RGPD3: variants seen among roughly 807,000 people sequenced by gnomAD.
RGPD3 encodes the protein RANBP2 like and GRIP domain containing 3.
A neutral mutation model predicts 154.5 loss-of-function variants in RGPD3; 62 were observed. The ratio of observed to expected loss-of-function variants is 0.40; its 90% CI spans 0.33 to 0.50. RGPD3 has a LOEUF of 0.50. Ranked by LOEUF, RGPD3 falls within the 20% of genes least tolerant of loss-of-function variation. RGPD3 has a pLI of 0.59. For synonymous variants in RGPD3, 308 were observed against 607.0 expected, an observed-to-expected ratio of 0.51 and a Z score of 7.24; for missense variants, 919 against 1,716.8, an observed-to-expected ratio of 0.54 and a Z score of 8.21.
chr2:106,441,893 A>AAAAG (rs1677755908), intron 7 of RGPD3, among the ~76,000 whole-genome samples: 1 of 143,852 alleles, frequency 7.0e-6, no homozygotes, highest in African/African-American at 2.6e-5. Context: ...AAAAAAAAAA[A>AAAAG]AGAGGGGCCA....
In RGPD3 at chr2:106,447,456, A is replaced by G; in HGVS notation, c.940T>C (p.Ser314Pro). The G allele has an allele frequency of 5.1e-6, 1 of 196,458 alleles. No homozygotes were observed. The highest frequency in any genetic ancestry group is 8.5e-6 in the Non-Finnish European group (1 of 117,730). 12.2% of individuals were successfully genotyped at this position (196,458 alleles called of 1,614,324 possible). A position where few individuals can be genotyped will look rare whatever the true frequency, so the allele number is the denominator to read the frequency against. Residue 314 changes from serine to proline, a missense_variant, in exon 7 of 23, where the codon TCT (serine) becomes CCT (proline). Physicochemically the swap from Ser to Pro is moderately conservative, Grantham distance 74. Transcript: ENST00000409886. The stretch of plus-strand genomic sequence containing the variant: ...AGATAGCACAATGCAGCCAGCTCAG[A>G]AAGAGCTCGCCATTGAACATTATTA... ...HGNNVQWRALSELAALCYLIA... is the reference protein window; with the variant it reads ...HGNNVQWRALPELAALCYLIA...
chr2:106,441,666 C>T (rs1182273834), intron 7 of RGPD3, among the ~76,000 whole-genome samples: 1 of 148,540 alleles, frequency 6.7e-6, no homozygotes, highest in African/African-American at 2.5e-5. Context: ...ACCAGCCTGG[C>T]CAACATGGTG....
At chr2:106,465,340 G>A (rs1428276235) in intron 1 of RGPD3, among the ~76,000 whole-genome samples, 1 of 152,100 alleles carries the variant, frequency 6.6e-6, no homozygotes, top group Non-Finnish European at 1.5e-5. Flanking sequence ...AAATCCCCAG[G>A]TTCTAATGTA....
chr2:106,441,192 G>A (rs1196076759), intron 8 of RGPD3, 101 bp downstream of exon 8: 43 of 1,531,540 alleles, frequency 2.8e-5, no homozygotes, highest in Non-Finnish European at 3.8e-5. Context: ...AAATAATTTT[G>A]ACAAATTATC....
chr2:106,467,106 G>A (rs963333382), intron 1 of RGPD3, among the ~76,000 whole-genome samples: 11 of 102,962 alleles, frequency 1.1e-4, no homozygotes, highest in Non-Finnish European at 2.1e-4. Context: ...GGGCCAGGTC[G>A]AGGCCGGCGC....
intron 22 of RGPD3, among the ~76,000 whole-genome samples, chr2:106,412,292 A>T (rs1676693162): frequency 2.6e-5 from 2 of 76,750 alleles, no homozygotes; most frequent in Non-Finnish European, 2.5e-5. Flanking sequence ...ACTACATCAT[A>T]GTTTTTTTTT....
At chr2:106,407,712 TA>T (rs1449505162) in intron 22 of RGPD3, among the ~76,000 whole-genome samples, 3 of 152,254 alleles carry the variant, frequency 2.0e-5, no homozygotes, top group Non-Finnish European at 4.4e-5. Context: ...TCTCCTTAGG[TA>T]AATAAGAATT....
chr2:106,408,738 C>T (rs1326815671), intron 22 of RGPD3, among the ~76,000 whole-genome samples: 1 of 151,876 alleles, frequency 6.6e-6, no homozygotes, highest in Non-Finnish European at 1.5e-5. Flanking sequence ...AGTGGCGTGA[C>T]CAGGATTTCG....
chr2:106,407,575 T>C (rs904869004), intron 22 of RGPD3, among the ~76,000 whole-genome samples: 10 of 151,762 alleles, frequency 6.6e-5, no homozygotes, highest in Admixed American at 5.9e-4. Context: ...AATGCACTGT[T>C]GTATGTTCAC....
At position 106,404,043 on chromosome 2, in the gene RGPD3, AAC is replaced by A. The variant is rs1676439136; in HGVS notation, c.*1174_*1175del. Among the ~76,000 whole-genome samples the A allele has an allele frequency of 6.6e-6, 1 of 152,182 alleles. No homozygotes were observed. Among genetic ancestry groups the A allele is most frequent in the South Asian group, 2.1e-4 (1 of 4,836 alleles). ...ATATGCAGCGGTGTCAAAGGCAAGTAACACTACCACCTAAGGTTATTCAGAGG... is the reference window on the plus strand; with the variant it reads ...ATATGCAGCGGTGTCAAAGGCAAGTAACTACCACCTAAGGTTATTCAGAGG... On this transcript the variant is annotated 3_prime_UTR_variant, in exon 23 of 23. Transcript: ENST00000409886.
Position 106,433,012 on chromosome 2 carries a change from G to C in RGPD3, c.2392C>G (p.Pro798Ala). 1 of 1,609,478 alleles carries C rather than the reference G, an allele frequency of 6.2e-7. No homozygotes were observed. Among genetic ancestry groups the C allele is most frequent in the Non-Finnish European group, 8.5e-7 (1 of 1,179,462 alleles). ...LSPSKSYKYS[P>A]KTPPRWAEDQ... ...TCTGCCCATCGAGGTGGTGTTTTGG[G>C]AGAATACTAAAAAAAAAATAAAAAT... The change falls in exon 17 of 23, where the codon CCC (proline) becomes GCC (alanine). Residue 798 changes from proline to alanine, a missense_variant. Pro to Ala is a conservative substitution (Grantham distance 27). Transcript: ENST00000409886.
chr2:106,446,838 C>T (rs1329723073), intron 7 of RGPD3, among the ~76,000 whole-genome samples: 10 of 151,074 alleles, frequency 6.6e-5, no homozygotes, highest in East Asian at 2.0e-4. Context: ...GCCGAGATCA[C>T]GCCACTGCAC....
At chr2:106,422,966 T>TCC in intron 20 of RGPD3, 77 bp downstream of exon 20, 2 of 1,597,400 alleles carry the variant, frequency 1.3e-6, no homozygotes, top group Non-Finnish European at 1.7e-6. Flanking sequence ...AACATTAGTA[T>TCC]CCCACAAAGA....
chr2:106,469,664 G>C (rs192963262), upstream of RGPD3, among the ~76,000 whole-genome samples: 4 of 152,220 alleles, frequency 2.6e-5, no homozygotes, highest in East Asian at 3.9e-4. Flanking sequence ...TGGGAGCCTC[G>C]TTCCACATCA....
In RGPD3 at chr2:106,468,267, C is replaced by G. The variant is rs753864926; in HGVS notation, c.22G>C (p.Gly8Arg). 15 of 1,607,606 alleles carry G rather than the reference C, an allele frequency of 9.3e-6. No homozygotes were observed. Among genetic ancestry groups the G allele is most frequent in the Middle Eastern group, 2.3e-4 (1 of 4,436 alleles). ...TGCACCGAGGCGACGTACCGCTCCC[C>G]GTAGGCCTTGCTGCAACTCATCGCG... MSCSKAYGERYVASVQGS... is the reference protein window; with the variant it reads MSCSKAYRERYVASVQGS... The change falls in exon 1 of 23, where the codon GGG (glycine) becomes CGG (arginine). Residue 8 changes from glycine to arginine, a missense_variant. Gly to Arg is a moderately radical substitution (Grantham distance 125). Coordinates refer to ENST00000409886, the MANE Select transcript of RGPD3 (RefSeq NM_001144013.2).
Position 106,405,086 on chromosome 2 carries a change from A to T in RGPD3, c.*133T>A. The T allele has an allele frequency of 9.1e-7, 1 of 1,099,408 alleles. No individual in the cohort carries two copies. Among genetic ancestry groups the T allele is most frequent in the Non-Finnish European group, 1.3e-6 (1 of 747,944 alleles). 68.1% of individuals were successfully genotyped at this position (1,099,408 alleles called of 1,614,324 possible). A position where few individuals can be genotyped will look rare whatever the true frequency, so the allele number is the denominator to read the frequency against. ...CATATACACACTTTTTGACAAAAGAATGATGGTAATACACATGAACCATTT... is the reference window on the plus strand; with the variant it reads ...CATATACACACTTTTTGACAAAAGATTGATGGTAATACACATGAACCATTT... On this transcript the variant is annotated 3_prime_UTR_variant, in exon 23 of 23. Transcript: ENST00000409886.
At chr2:106,468,521 G>C (rs1025720709), upstream of RGPD3, 21 of 826,078 alleles carry the variant, frequency 2.5e-5, no homozygotes, top group African/African-American at 3.3e-4. Context: ...AGGGTGTCTT[G>C]CCCGCCGGGC....
chr2:106,431,566 C>T (rs1232155734), intron 17 of RGPD3, among the ~76,000 whole-genome samples: 13 of 152,326 alleles, frequency 8.5e-5, no homozygotes, highest in African/African-American at 3.1e-4. Flanking sequence ...GAGCCTGAAA[C>T]CTGTATGTTA....
intron 18 of RGPD3, among the ~76,000 whole-genome samples, chr2:106,428,933 A>G (rs1298894754): frequency 6.6e-6 from 1 of 150,650 alleles, no homozygotes; most frequent in Non-Finnish European, 1.5e-5. Flanking sequence ...GGTACCGGCC[A>G]TTCTAAGTTA....
Sources: gnomAD v4.1 joint callset for allele counts (sites outside exome capture counted in the v4.1 genomes callset) on GRCh38, gnomAD v4.1.1 for gene constraint, MANE v1.5 for transcripts, NCBI Gene and HGNC (gene_info 2026-07-23, HGNC 2026-07-21) for gene names.